The following WDR70 variants were observed in gnomAD, a reference collection of about 807,000 sequenced individuals.
WDR70 encodes WD repeat domain 70.
In WDR70, 53 loss-of-function variants were observed where a neutral mutation model predicts 88.6. That is an observed-to-expected ratio of 0.60 (90% CI 0.48 to 0.75). The LOEUF (loss-of-function observed/expected upper bound fraction) is 0.75, where lower values mean the gene tolerates loss of function less well. Ranked by LOEUF, WDR70 falls within the 30% of genes least tolerant of loss-of-function variation. The pLI, the probability that WDR70 is intolerant of heterozygous loss-of-function variation, is 0.00. For synonymous variants in WDR70, 280 were observed against 270.0 expected (o/e 1.04, Z -0.36); for missense variants, 610 against 823.2 (o/e 0.74, Z 3.17).
intron 10 of WDR70, among the ~76,000 whole-genome samples, chr5:37,672,317 G>C (rs945980454): frequency 6.6e-6 from 1 of 152,070 alleles, no homozygotes; most frequent in Non-Finnish European, 1.5e-5. Flanking sequence ...CCCGTGAAGC[G>C]TCTGTGCTGA....
At chr5:37,478,141 T>A (rs1314100549) in intron 7 of WDR70, among the ~76,000 whole-genome samples, 2 of 152,238 alleles carry the variant, frequency 1.3e-5, no homozygotes, top group African/African-American at 4.8e-5. Flanking sequence ...TTTCACGCTA[T>A]AGTCTTTAAT....
intron 5 of WDR70, among the ~76,000 whole-genome samples, chr5:37,418,588 A>G (rs893312904): frequency 1.3e-5 from 2 of 152,190 alleles, no homozygotes; most frequent in Admixed American, 6.5e-5. Flanking sequence ...AATCATGAAA[A>G]AAAGTTAGGA....
chr5:37,602,835 G>T (rs934236558), intron 9 of WDR70, among the ~76,000 whole-genome samples: 1 of 152,074 alleles, frequency 6.6e-6, no homozygotes, highest in African/African-American at 2.4e-5. Flanking sequence ...AAATTAGCCA[G>T]GCGTGGTGGC....
At chr5:37,743,118 A>T (rs1205746406) in intron 17 of WDR70, among the ~76,000 whole-genome samples, 1 of 152,224 alleles carries the variant, frequency 6.6e-6, no homozygotes, top group Non-Finnish European at 1.5e-5. Flanking sequence ...AGGTTCTCTC[A>T]TCAAAATTGA....
intron 8 of WDR70, among the ~76,000 whole-genome samples, chr5:37,484,287 C>T (rs924897373): frequency 6.6e-6 from 1 of 152,240 alleles, no homozygotes; most frequent in African/African-American, 2.4e-5. Flanking sequence ...GTGAACGAGA[C>T]TCTGTCTGCA....
At chr5:37,519,722 G>T (rs1741026916) in intron 9 of WDR70, among the ~76,000 whole-genome samples, 1 of 152,100 alleles carries the variant, frequency 6.6e-6, no homozygotes, top group South Asian at 2.1e-4. Flanking sequence ...CTCCCAGATG[G>T]GGCGGCTGGG....
chr5:37,509,093 A>G (rs1021829842), intron 8 of WDR70, among the ~76,000 whole-genome samples: 1 of 152,054 alleles, frequency 6.6e-6, no homozygotes, highest in African/African-American at 2.4e-5. Context: ...AATTGGTGGT[A>G]ATTTGTGTCT....
Position 37,475,401 on chromosome 5 carries a change from A to AT in WDR70, c.687-4425dup, listed in dbSNP as rs534559752. Among the ~76,000 whole-genome samples the AT allele has an allele frequency of 1.1e-4, 17 of 149,536 alleles. 1 individual carries two copies. Among genetic ancestry groups the AT allele is most frequent in the South Asian group, 1.1e-3 (5 of 4,690 alleles). On this transcript the variant is annotated intron_variant, in intron 7 of 17. Coordinates refer to ENST00000265107, the MANE Select transcript of WDR70 (RefSeq NM_018034.4). ...AGGCATGCACCACCATGCCCAGCTA[A>AT]TTTTTTTTGTATTTTTAGTAGAGAC...
rs544905698 is a variant in WDR70 at position 37,735,584 on chromosome 5, G to A, written c.1877+8539G>A. Among the ~76,000 whole-genome samples the A allele has an allele frequency of 5.3e-5, 8 of 152,210 alleles. No individual in the cohort carries two copies. The South Asian group carries it at 1.7e-3, about 32-fold the overall frequency. On this transcript the variant is annotated intron_variant, in intron 17 of 17. Transcript: ENST00000265107. ...CCAATTTCGTCACCTTGCATTTGTT[G>A]CATACTAAGTTCATGGCACTGTCTG...
intron 7 of WDR70, among the ~76,000 whole-genome samples, chr5:37,461,644 C>T (rs528245450): frequency 5.3e-5 from 8 of 151,882 alleles, no homozygotes; most frequent in African/African-American, 2.4e-5. Context: ...CCACCACACC[C>T]GGCTAATTTT....
intron 9 of WDR70, among the ~76,000 whole-genome samples, chr5:37,558,022 G>T (rs1284783339): frequency 4.7e-5 from 1 of 21,120 alleles, no homozygotes; most frequent in Non-Finnish European, 9.4e-5. Flanking sequence ...ACTAATATCG[G>T]TTTATTACAC....
At position 37,455,160 on chromosome 5, in the gene WDR70, T is replaced by C. The variant is rs572380938; in HGVS notation, c.686+11788T>C. ...TCAAGTATTACTTCCCATTTCTGAGTTTTTAGTATTGTAACATTGGATTTT... is the reference window on the plus strand; with the variant it reads ...TCAAGTATTACTTCCCATTTCTGAGCTTTTAGTATTGTAACATTGGATTTT... On this transcript the variant is annotated intron_variant, in intron 7 of 17. Transcript: ENST00000265107. 2.6e-5 allele frequency among the ~76,000 whole-genome samples: 4 copies of C among 152,238 alleles called. No homozygotes were observed. The East Asian group carries it at 7.7e-4, about 29-fold the overall frequency.
chr5:37,412,087 G>C (rs1477833829), intron 5 of WDR70, among the ~76,000 whole-genome samples: 2 of 152,010 alleles, frequency 1.3e-5, no homozygotes, highest in African/African-American at 4.8e-5. Context: ...AGAGAAAACA[G>C]GTGAAAAATC....
intron 9 of WDR70, among the ~76,000 whole-genome samples, chr5:37,572,892 A>G (rs752388714): frequency 1.1e-4 from 17 of 152,150 alleles, no homozygotes; most frequent in Non-Finnish European, 1.9e-4. Context: ...TTCCCACATC[A>G]TCTTGCATAA....
chr5:37,598,936 C>T (rs1417554913), intron 9 of WDR70, among the ~76,000 whole-genome samples: 1 of 152,206 alleles, frequency 6.6e-6, no homozygotes, highest in East Asian at 1.9e-4. Context: ...TGCTTTCTGT[C>T]TTAAAATTTT....
chr5:37,468,502 G>C (rs1346256633), intron 7 of WDR70, among the ~76,000 whole-genome samples: 1 of 151,370 alleles, frequency 6.6e-6, no homozygotes, highest in African/African-American at 2.4e-5. Flanking sequence ...CATAATAATT[G>C]TACATATATA....
chr5:37,533,082 G>A (rs1363771680), intron 9 of WDR70, among the ~76,000 whole-genome samples: 2 of 152,178 alleles, frequency 1.3e-5, no homozygotes, highest in Non-Finnish European at 2.9e-5. Flanking sequence ...CTGGTACTGG[G>A]GTGTGTCCGC....
At chr5:37,687,475 A>G (rs1746644304) in intron 10 of WDR70, among the ~76,000 whole-genome samples, 1 of 152,196 alleles carries the variant, frequency 6.6e-6, no homozygotes, top group Non-Finnish European at 1.5e-5. Context: ...GGAGGTCAGA[A>G]AGACTGGATG....
At chr5:37,701,281 G>GA in intron 12 of WDR70, 139 bp downstream of exon 12, 1 of 563,070 alleles carries the variant, frequency 1.8e-6, no homozygotes, top group Non-Finnish European at 3.0e-6. Flanking sequence ...TCTGTTTTTT[G>GA]AAAAATATGT....
Sources: allele counts gnomAD v4.1 joint callset (sites outside exome capture counted in the v4.1 genomes callset), GRCh38; gene constraint gnomAD v4.1.1; transcripts MANE v1.5; gene names NCBI Gene and HGNC (gene_info 2026-07-23, HGNC 2026-07-21).